TTLL5: variants seen among roughly 807,000 people sequenced by gnomAD.
The protein encoded by TTLL5 is tubulin polyglutamylase TTLL5.
Under a neutral mutation model 168.4 loss-of-function variants are expected in TTLL5, and 132 were observed. That is an observed-to-expected ratio of 0.78 (90% CI 0.68 to 0.91). TTLL5 has a LOEUF of 0.91. TTLL5 is among the 40% of genes least tolerant of loss of function. The pLI, the probability that TTLL5 is intolerant of heterozygous loss-of-function variation, is 0.00. For missense variants in TTLL5, 1,545 were observed against 1,581.5 expected (o/e 0.98, Z 0.39); for synonymous variants, 546 against 558.6 (o/e 0.98, Z 0.32).
At chr14:75,710,187 C>G (rs1886969155) in intron 9 of TTLL5, 1 of 152,086 alleles carries the variant, frequency 6.6e-6, no homozygotes, top group African/African-American at 2.4e-5. Context: ...ATATTTTCAC[C>G]TACAATATTA....
At chr14:75,928,380 TG>T in intron 31 of TTLL5, among the ~76,000 whole-genome samples, 1 of 142,296 alleles carries the variant, frequency 7.0e-6, no homozygotes, top group African/African-American at 2.6e-5. Flanking sequence ...ACTGTATTTC[TG>T]CTTTACTCTA....
chr14:75,759,544 A>G (rs901026638), intron 18 of TTLL5, among the ~76,000 whole-genome samples: 1 of 152,154 alleles, frequency 6.6e-6, no homozygotes, highest in African/African-American at 2.4e-5. Context: ...CAGCATGACT[A>G]TGATTCCAAA....
intron 31 of TTLL5, among the ~76,000 whole-genome samples, chr14:75,916,914 G>A (rs2033636432): frequency 6.6e-6 from 1 of 152,210 alleles, no homozygotes; most frequent in African/African-American, 2.4e-5. Context: ...GTTATGCTAA[G>A]TGAAATGAGC....
At chr14:75,947,216 G>A (rs2034803397) in intron 31 of TTLL5, among the ~76,000 whole-genome samples, 1 of 152,032 alleles carries the variant, frequency 6.6e-6, no homozygotes, top group African/African-American at 2.4e-5. Context: ...TTGTCAGCCT[G>A]GATTTTTAAA....
intron 9 of TTLL5, among the ~76,000 whole-genome samples, chr14:75,717,549 CTTG>C (rs1409750229): frequency 6.6e-6 from 1 of 152,136 alleles, no homozygotes; most frequent in Non-Finnish European, 1.5e-5. Context: ...GAAGCAATGT[CTTG>C]TTGTGATTAA....
chr14:75,688,443 A>G lies in TTLL5; in HGVS notation c.372-1749A>G, dbSNP rs561413345. 1.7e-4 allele frequency among the ~76,000 whole-genome samples: 26 copies of G among 152,264 alleles called. 1 individual carries two copies. Among genetic ancestry groups the G allele is most frequent in the Admixed American group, 1.4e-3 (21 of 15,290 alleles). On this transcript the variant is annotated intron_variant, in intron 5 of 31. Transcript: ENST00000298832. ...CCTCGCCCTGTGCATGTCTTCCTCT[A>G]TATCCTTTGTAATATCCTTTTTAAT...
intron 30 of TTLL5, chr14:75,887,088 G>A (rs1009518156): frequency 6.0e-6 from 7 of 1,157,264 alleles, no homozygotes; most frequent in Non-Finnish European, 7.5e-6. Flanking sequence ...AGTGGAAGTT[G>A]GTGGTAACGA....
chr14:75,726,554 G>A (rs78594399), intron 12 of TTLL5, among the ~76,000 whole-genome samples: 2,965 of 152,214 alleles, frequency 0.019, 118 homozygotes, highest in African/African-American at 0.068. Flanking sequence ...GACATTACAA[G>A]TAGTATAAGT....
chr14:75,735,694 C>T (rs1007121405), intron 15 of TTLL5, among the ~76,000 whole-genome samples: 1 of 152,200 alleles, frequency 6.6e-6, no homozygotes, highest in African/African-American at 2.4e-5. Context: ...AGTATCTTCT[C>T]TACAAGTAAT....
At chr14:75,870,573 A>C (rs2030947148) in intron 29 of TTLL5, among the ~76,000 whole-genome samples, 1 of 152,250 alleles carries the variant, frequency 6.6e-6, no homozygotes, top group African/African-American at 2.4e-5. Flanking sequence ...TTTGGATAGT[A>C]GGAGCACTTG....
chr14:75,840,333 C>T (rs1896153044), intron 28 of TTLL5, among the ~76,000 whole-genome samples: 2 of 152,106 alleles, frequency 1.3e-5, no homozygotes, highest in African/African-American at 4.8e-5. Context: ...ACCTATCAAC[C>T]TGTCATCTAG....
At chr14:75,768,530 T>C (rs1327273988) in intron 20 of TTLL5, among the ~76,000 whole-genome samples, 3 of 151,780 alleles carry the variant, frequency 2.0e-5, no homozygotes, top group African/African-American at 7.3e-5. Flanking sequence ...CTGGAGGTTG[T>C]TTATAGACTA....
intron 26 of TTLL5, among the ~76,000 whole-genome samples, chr14:75,784,820 T>G (rs1892269982): frequency 6.6e-6 from 1 of 152,234 alleles, no homozygotes; most frequent in Non-Finnish European, 1.5e-5. Context: ...GGTTATGATT[T>G]GCATTTCCCT....
At chr14:75,932,303 GAGTACCT>G (rs1173181181) in intron 31 of TTLL5, among the ~76,000 whole-genome samples, 1 of 152,124 alleles carries the variant, frequency 6.6e-6, no homozygotes, top group East Asian at 1.9e-4. Flanking sequence ...GCCTAGAGTG[GAGTACCT>G]ATCTTTAATA....
chr14:75,675,691 A>G (rs1375810884), intron 3 of TTLL5, among the ~76,000 whole-genome samples: 2 of 152,192 alleles, frequency 1.3e-5, no homozygotes, highest in Non-Finnish European at 2.9e-5. Context: ...GCTTCAGTTT[A>G]CAGTTGCAAT....
chr14:75,768,968 T>G (rs1456832395), intron 20 of TTLL5, among the ~76,000 whole-genome samples: 1 of 152,212 alleles, frequency 6.6e-6, no homozygotes, highest in Non-Finnish European at 1.5e-5. Flanking sequence ...AGGCCTCAGT[T>G]TCCTTTTCTG....
intron 31 of TTLL5, among the ~76,000 whole-genome samples, chr14:75,928,342 C>CATATATATATATATATATATAT (rs3034073): frequency 0.025 from 2,066 of 81,528 alleles, 176 homozygotes; most frequent in East Asian, 0.03. Flanking sequence ...ATGACAAAAA[C>CATATATATATATATATATATAT]ATATATATAT....
chr14:75,742,058 C>G (rs1566584095), intron 15 of TTLL5, among the ~76,000 whole-genome samples: 1 of 151,796 alleles, frequency 6.6e-6, no homozygotes, highest in Non-Finnish European at 1.5e-5. Context: ...GTGATTTGAC[C>G]CCTGTTCTTT....
chr14:75,704,842 A>G (rs1886539033), intron 7 of TTLL5, among the ~76,000 whole-genome samples: 1 of 152,224 alleles, frequency 6.6e-6, no homozygotes, highest in African/African-American at 2.4e-5. Context: ...TAAATATTGT[A>G]AGGGTTTATG....
Sources: gnomAD v4.1 joint callset for allele counts (sites outside exome capture counted in the v4.1 genomes callset) on GRCh38, gnomAD v4.1.1 for gene constraint, MANE v1.5 for transcripts, NCBI Gene and HGNC (gene_info 2026-07-23, HGNC 2026-07-21) for gene names.